Variants in BNC2 observed in about 807,000 individuals in gnomAD.
BNC2 encodes the protein basonuclin zinc finger protein 2, also known as zinc finger protein basonuclin-2.
BNC2 carries 20 observed loss-of-function variants against 76.3 expected under a neutral mutation model. That is an observed-to-expected ratio of 0.26 (90% CI 0.18 to 0.38). The LOEUF (loss-of-function observed/expected upper bound fraction) is 0.38. Among genes scored for constraint, BNC2 ranks in the 10% least tolerant of loss-of-function variants. The pLI is 1.00. For synonymous variants in BNC2, 582 were observed against 514.8 expected (o/e 1.13, Z -1.77); for missense variants, 1,382 against 1,399.8 (o/e 0.99, Z 0.20).
chr9:16,823,751 TG>T (rs1586913071), intron 1 of BNC2, among the ~76,000 whole-genome samples: 1 of 152,214 alleles, frequency 6.6e-6, no homozygotes, highest in Non-Finnish European at 1.5e-5. Flanking sequence ...AGGTGATCTT[TG>T]ACTACCCAGA....
rs187679056 is a variant in BNC2, at chr9:16,788,864, T to G, written c.4-50379A>C. Among the ~76,000 whole-genome samples, 789 of 152,130 alleles carry G rather than the reference T, an allele frequency of 5.2e-3. 9 individuals carry two copies. The highest frequency in any genetic ancestry group is 0.02 in the South Asian group (96 of 4,802). ...TGCAGGGCCTCCTCTTTCCCACCTG[T>G]TTTTCCTTCTAGATTCCCCACCTTA... On this transcript the variant is annotated intron_variant, in intron 1 of 6. Coordinates refer to ENST00000380672, the MANE Select transcript of BNC2 (RefSeq NM_017637.6).
At chr9:16,558,520 C>A (rs1428952684) in intron 4 of BNC2, among the ~76,000 whole-genome samples, 1 of 152,186 alleles carries the variant, frequency 6.6e-6, no homozygotes, top group Non-Finnish European at 1.5e-5. Context: ...CCCTCCACTA[C>A]CTCTCCCTGT....
At chr9:16,459,958 A>T (rs1203831862) in intron 5 of BNC2, among the ~76,000 whole-genome samples, 1 of 152,188 alleles carries the variant, frequency 6.6e-6, no homozygotes, top group Non-Finnish European at 1.5e-5. Context: ...TTTCCATCTT[A>T]TTACCTAGAG....
chr9:16,857,480 T>TAAA (rs60082380), intron 1 of BNC2, among the ~76,000 whole-genome samples: 1,840 of 75,720 alleles, frequency 0.024, 1 homozygote, highest in East Asian at 0.038. Context: ...CTGTCTCAAA[T>TAAA]AAAAAAAAAA....
intron 1 of BNC2, among the ~76,000 whole-genome samples, chr9:16,867,047 T>C (rs1819561110): frequency 6.6e-6 from 1 of 152,182 alleles, no homozygotes; most frequent in South Asian, 2.1e-4. Context: ...ATGTACAGAA[T>C]TCTATAGTGA....
intron 1 of BNC2, among the ~76,000 whole-genome samples, chr9:16,751,598 C>A (rs1254950767): frequency 1.9e-5 from 1 of 53,442 alleles, no homozygotes; most frequent in African/African-American, 5.7e-5. Flanking sequence ...CTGCTGTCCC[C>A]AGCACAAATA....
intron 3 of BNC2, among the ~76,000 whole-genome samples, chr9:16,610,516 GA>G (rs1410581609): frequency 2.0e-5 from 3 of 152,174 alleles, no homozygotes; most frequent in African/African-American, 7.2e-5. Context: ...AAGGGTCTAT[GA>G]ATTGAAACAG....
intron 3 of BNC2, among the ~76,000 whole-genome samples, chr9:16,667,673 A>G (rs1052609988): frequency 5.9e-5 from 9 of 152,218 alleles, no homozygotes; most frequent in Admixed American, 5.9e-4. Context: ...AATGTTTTGA[A>G]ACCAAAACAT....
At chr9:16,765,062 C>T (rs1381474866) in intron 1 of BNC2, among the ~76,000 whole-genome samples, 1 of 152,128 alleles carries the variant, frequency 6.6e-6, no homozygotes, top group Non-Finnish European at 1.5e-5. Context: ...GAAGTAACAA[C>T]TCTTTAGAGT....
intron 5 of BNC2, among the ~76,000 whole-genome samples, chr9:16,551,616 T>C (rs899595418): frequency 6.6e-5 from 10 of 152,338 alleles, no homozygotes; most frequent in African/African-American, 2.4e-4. Context: ...CCTTCTCAAA[T>C]TGAGATGTCC....
intron 4 of BNC2, among the ~76,000 whole-genome samples, chr9:16,575,761 A>C (rs545786653): frequency 6.8e-4 from 104 of 152,290 alleles, no homozygotes; most frequent in African/African-American, 2.4e-3. Flanking sequence ...GCTCTCTAAA[A>C]CGAAGAAAAA....
intron 3 of BNC2, among the ~76,000 whole-genome samples, chr9:16,665,386 A>AAGAGAGAGAGAGAGAG (rs55852227): frequency 0.017 from 1,461 of 83,864 alleles, 190 homozygotes; most frequent in African/African-American, 0.07. Flanking sequence ...AAAAAAAAAA[A>AAGAGAGAGAGAGAGAG]AGAGAGAGAG....
At chr9:16,779,664 A>C (rs1826068224) in intron 1 of BNC2, among the ~76,000 whole-genome samples, 1 of 152,252 alleles carries the variant, frequency 6.6e-6, no homozygotes, top group East Asian at 1.9e-4. Context: ...CAAAGAAAAT[A>C]ATAAAATATT....
At position 16,418,025 on chromosome 9, in the gene BNC2, G is replaced by C. The variant is rs1216626171; in HGVS notation, c.*964C>G. The C allele has an allele frequency of 1.3e-5, 2 of 152,578 alleles. No homozygotes were observed. The highest frequency in any genetic ancestry group is 4.8e-5 in the African/African-American group (2 of 41,440). The allele number at this position is 152,578 out of a possible 1,614,324, so 9.5% of individuals were successfully genotyped here. ...AGTTTTGTGTTAACACTAATACTTT[G>C]TTTGGCATTTGTGCCCTATACTGAC... is the stretch of plus-strand genomic sequence containing the variant. On this transcript the variant is annotated 3_prime_UTR_variant, in exon 7 of 7. Coordinates refer to ENST00000380672, the MANE Select transcript of BNC2 (RefSeq NM_017637.6).
chr9:16,416,312 G>A lies in BNC2; in HGVS notation c.*2677C>T, dbSNP rs1283943198. The A allele has an allele frequency of 1.3e-5, 2 of 152,458 alleles. No homozygotes were observed. Among genetic ancestry groups the A allele is most frequent in the Non-Finnish European group, 2.9e-5 (2 of 68,010 alleles). 9.4% of individuals were successfully genotyped at this position (152,458 alleles called of 1,614,324 possible). On this transcript the variant is annotated 3_prime_UTR_variant, in exon 7 of 7. Transcript: ENST00000380672. The stretch of plus-strand genomic sequence containing the variant: ...GCCAGAGTTTCTATAATGTTTTGTT[G>A]GGATATTAAAAATCTTTTCCCACCC...
At position 16,460,897 on chromosome 9, in the gene BNC2, C is replaced by G. The variant is rs143072063; in HGVS notation, c.670-23373G>C. 3.4e-3 allele frequency among the ~76,000 whole-genome samples: 523 copies of G among 152,122 alleles called. 3 individuals carry two copies. Among genetic ancestry groups the G allele is most frequent in the African/African-American group, 0.012 (489 of 41,454 alleles). On this transcript the variant is annotated intron_variant, in intron 5 of 6. Transcript: ENST00000380672. ...TAAATGGTTGTTCATACAGATAATA[C>G]ATACTTGTGGCCTTAGCATAAACCC...
intron 3 of BNC2, among the ~76,000 whole-genome samples, chr9:16,628,951 T>C (rs970978284): frequency 6.6e-6 from 1 of 152,208 alleles, no homozygotes; most frequent in African/African-American, 2.4e-5. Flanking sequence ...TTTAATGTCA[T>C]TAAGTGATCA....
At chr9:16,862,634 G>A (rs1819438852) in intron 1 of BNC2, among the ~76,000 whole-genome samples, 1 of 152,182 alleles carries the variant, frequency 6.6e-6, no homozygotes, top group Admixed American at 6.5e-5. Flanking sequence ...CCTGCAGAGA[G>A]TAGCTACTGC....
At chr9:16,752,247 TAAAC>T (rs1364657875) in intron 1 of BNC2, among the ~76,000 whole-genome samples, 1 of 152,174 alleles carries the variant, frequency 6.6e-6, no homozygotes, top group Non-Finnish European at 1.5e-5. Context: ...TTGAACATAA[TAAAC>T]AAACTACTAT....
Sources: allele counts gnomAD v4.1 joint callset (sites outside exome capture counted in the v4.1 genomes callset), GRCh38; gene constraint gnomAD v4.1.1; transcripts MANE v1.5; gene names NCBI Gene and HGNC (gene_info 2026-07-23, HGNC 2026-07-21).